Variants in TNS3 observed in about 807,000 individuals in gnomAD.
TNS3 encodes tensin 3, also known as tensin-3.
TNS3 carries 45 observed loss-of-function variants against 140.9 expected under a neutral mutation model. The ratio of observed to expected loss-of-function variants is 0.32; its 90% CI spans 0.25 to 0.41. The LOEUF (loss-of-function observed/expected upper bound fraction) is 0.41. Ranked by LOEUF, TNS3 falls within the 10% of genes least tolerant of loss-of-function variation. The pLI, the probability that TNS3 is intolerant of heterozygous loss-of-function variation, is 1.00. For synonymous variants in TNS3, 815 were observed against 788.4 expected, an observed-to-expected ratio of 1.03 and a Z score of -0.56; for missense variants, 1,716 against 1,906.7, an observed-to-expected ratio of 0.90 and a Z score of 1.86.
At chr7:47,404,896 TAAAAATA>T (rs1227712075) in intron 13 of TNS3, among the ~76,000 whole-genome samples, 1 of 150,492 alleles carries the variant, frequency 6.6e-6, no homozygotes, top group Admixed American at 6.7e-5. Context: ...AAAATAAAAA[TAAAAATA>T]AAAATAAAAA....
intron 4 of TNS3, chr7:47,453,173 G>C: frequency 1.0e-6 from 1 of 985,624 alleles, no homozygotes; most frequent in Non-Finnish European, 1.2e-6. Context: ...CGGCCCCACG[G>C]TGAGCACGCA....
chr7:47,296,448 T>C (rs1262497437), intron 24 of TNS3, among the ~76,000 whole-genome samples: 1 of 152,166 alleles, frequency 6.6e-6, no homozygotes, highest in African/African-American at 2.4e-5. Context: ...AGCAATCCCA[T>C]TACTGGGTAT....
intron 1 of TNS3, among the ~76,000 whole-genome samples, chr7:47,561,545 A>C (rs1800319906): frequency 6.6e-6 from 1 of 152,182 alleles, no homozygotes; most frequent in African/African-American, 2.4e-5. Flanking sequence ...GCTACTAGGA[A>C]GCTCATAGCC....
At chr7:47,354,134 T>C (rs931871987) in intron 17 of TNS3, among the ~76,000 whole-genome samples, 3 of 152,104 alleles carry the variant, frequency 2.0e-5, no homozygotes, top group Non-Finnish European at 4.4e-5. Context: ...AGGCCTATTC[T>C]CCAAACACTA....
At chr7:47,301,132 T>C (rs1003170982) in intron 23 of TNS3, among the ~76,000 whole-genome samples, 6 of 152,166 alleles carry the variant, frequency 3.9e-5, no homozygotes, top group Non-Finnish European at 8.8e-5. Flanking sequence ...GAAGTTGAGG[T>C]AAAGAGGCAC....
intron 11 of TNS3, 109 bp from the exon 12 acceptor site, chr7:47,414,106 C>T (rs1454120833): frequency 1.1e-5 from 13 of 1,189,100 alleles, no homozygotes; most frequent in Admixed American, 3.7e-5. Context: ...ACTGCACCTG[C>T]GGCCTTTGAG....
At chr7:47,419,308 C>A (rs1224168238) in intron 10 of TNS3, among the ~76,000 whole-genome samples, 1 of 152,186 alleles carries the variant, frequency 6.6e-6, no homozygotes. Flanking sequence ...AATGGTCACC[C>A]TTTTTCCGCA....
At chr7:47,410,566 C>T (rs1017574685) in intron 13 of TNS3, among the ~76,000 whole-genome samples, 1 of 152,206 alleles carries the variant, frequency 6.6e-6, no homozygotes, top group Non-Finnish European at 1.5e-5. Flanking sequence ...ATCCTCTCCA[C>T]CTTCGATCCT....
intron 1 of TNS3, among the ~76,000 whole-genome samples, chr7:47,567,683 C>CAAAA (rs57071957): frequency 2.7e-4 from 23 of 84,906 alleles, no homozygotes; most frequent in African/African-American, 7.6e-4. Context: ...GACTCGGTCT[C>CAAAA]AAAAAAAAAA....
chr7:47,280,891 C>T (rs919088255), intron 28 of TNS3, among the ~76,000 whole-genome samples: 5 of 150,994 alleles, frequency 3.3e-5, no homozygotes, highest in African/African-American at 9.8e-5. Flanking sequence ...CCAGCTTGGG[C>T]GACAGAGTGA....
intron 1 of TNS3, among the ~76,000 whole-genome samples, chr7:47,571,103 C>T (rs1800544604): frequency 6.6e-6 from 1 of 152,190 alleles, no homozygotes; most frequent in Non-Finnish European, 1.5e-5. Flanking sequence ...CGTGGAGGAA[C>T]TTGGGCCAAT....
At chr7:47,530,838 A>AAAAAAAAAAAAAAATAT in intron 1 of TNS3, among the ~76,000 whole-genome samples, 9 of 54,564 alleles carry the variant, frequency 1.6e-4, no homozygotes, top group African/African-American at 7.1e-4. Flanking sequence ...AAAAAAAAAA[A>AAAAAAAAAAAAAAATAT]ATATATATAT....
Position 47,377,058 on chromosome 7 carries a change from G to A in TNS3, c.1025-7437C>T, listed in dbSNP as rs201710589. ...TCCTGCCTGTGCCTGGACCACCACA[G>A]GGAACAGGTAGCTTCTCCAGACACA... On this transcript the variant is annotated intron_variant, in intron 16 of 30. Transcript: ENST00000311160. 2.4e-4 allele frequency among the ~76,000 whole-genome samples: 37 copies of A among 152,288 alleles called. 1 individual carries two copies. In the East Asian group the frequency reaches 5.2e-3, roughly 21 times the overall value.
At chr7:47,468,131 G>A (rs1385469873) in intron 4 of TNS3, among the ~76,000 whole-genome samples, 1 of 151,960 alleles carries the variant, frequency 6.6e-6, no homozygotes, top group Admixed American at 6.6e-5. Context: ...ACAACACAGT[G>A]AAACCCCATC....
chr7:47,327,258 G>A (rs1788074410), intron 20 of TNS3, among the ~76,000 whole-genome samples: 1 of 151,614 alleles, frequency 6.6e-6, no homozygotes, highest in Non-Finnish European at 1.5e-5. Context: ...TTCAGTGAAT[G>A]CATGGGTTTT....
chr7:47,334,793 G>C (rs1039160622), intron 20 of TNS3, among the ~76,000 whole-genome samples: 2 of 151,972 alleles, frequency 1.3e-5, no homozygotes, highest in Non-Finnish European at 2.9e-5. Context: ...ATTTTTAGTA[G>C]AGACAGGGTT....
intron 3 of TNS3, among the ~76,000 whole-genome samples, chr7:47,501,299 T>A (rs80104470): frequency 0.041 from 6,302 of 152,030 alleles, 476 homozygotes; most frequent in African/African-American, 0.14. Context: ...GAAGACCATA[T>A]GAAGAAAGGC....
chr7:47,403,328 A>T (rs1327790352), intron 13 of TNS3: 1 of 152,280 alleles, frequency 6.6e-6, no homozygotes, highest in Non-Finnish European at 1.5e-5. Flanking sequence ...GGAGATGGGA[A>T]TCGGCCTGTC....
At chr7:47,579,962 A>G (rs1784488555) in intron 1 of TNS3, 1 of 427,418 alleles carries the variant, frequency 2.3e-6, no homozygotes, top group African/African-American at 2.2e-5. Flanking sequence ...ACATTTGCAA[A>G]CAGCTCACTT....
Sources: gnomAD v4.1 joint callset for allele counts (sites outside exome capture counted in the v4.1 genomes callset) on GRCh38, gnomAD v4.1.1 for gene constraint, MANE v1.5 for transcripts, NCBI Gene and HGNC (gene_info 2026-07-23, HGNC 2026-07-21) for gene names.